The following TAFA1 variants were observed in gnomAD, a reference collection of about 807,000 sequenced individuals.
TAFA1 encodes chemokine-like protein TAFA-1.
In TAFA1, 4 loss-of-function variants were observed where a neutral mutation model predicts 18.5. The observed-to-expected ratio is 0.22, with a 90% CI of 0.11 to 0.49. The LOEUF (loss-of-function observed/expected upper bound fraction) is 0.49. Ranked by LOEUF, TAFA1 falls within the 20% of genes least tolerant of loss-of-function variation. The probability of loss-of-function intolerance (pLI) is 0.98; values close to 1 mark genes in which losing one functional copy is unlikely to be tolerated. For synonymous variants in TAFA1, 56 were observed against 55.2 expected (o/e 1.01, Z -0.06); for missense variants, 147 against 169.0 (o/e 0.87, Z 0.72).
intron 2 of TAFA1, among the ~76,000 whole-genome samples, chr3:68,232,769 C>A (rs1289142063): frequency 6.6e-6 from 1 of 152,060 alleles, no homozygotes; most frequent in Non-Finnish European, 1.5e-5. Context: ...CCACACCTGG[C>A]TAATTTTTAA....
intron 3 of TAFA1, among the ~76,000 whole-genome samples, chr3:68,430,087 G>C (rs1339964818): frequency 1.3e-5 from 2 of 151,920 alleles, no homozygotes; most frequent in Admixed American, 6.6e-5. Context: ...AGGAGAGACA[G>C]ACCATGATCT....
At chr3:68,295,799 A>G (rs1211817717) in intron 2 of TAFA1, among the ~76,000 whole-genome samples, 1 of 152,020 alleles carries the variant, frequency 6.6e-6, no homozygotes, top group Non-Finnish European at 1.5e-5. Context: ...TTGTAGAGAC[A>G]GGGTCTTGCT....
chr3:68,439,412 C>CATATATATATATATAT (rs57059146), intron 3 of TAFA1, among the ~76,000 whole-genome samples: 4,183 of 72,776 alleles, frequency 0.057, 312 homozygotes, highest in Non-Finnish European at 0.064. Context: ...TATATACATA[C>CATATATATATATATAT]ATATATATAT....
chr3:68,080,678 G>A (rs1175290123), intron 2 of TAFA1, among the ~76,000 whole-genome samples: 1 of 152,190 alleles, frequency 6.6e-6, no homozygotes. Context: ...TCTGCCGAGA[G>A]ATCTGCTGTT....
chr3:68,033,539 C>A (rs1336070110), intron 2 of TAFA1, among the ~76,000 whole-genome samples: 1 of 152,118 alleles, frequency 6.6e-6, no homozygotes, highest in Non-Finnish European at 1.5e-5. Flanking sequence ...ATTCTCCATC[C>A]AATTTCAATG....
chr3:68,531,016 CAACAAAACAAAACAAAACAA>C (rs59861876), intron 3 of TAFA1, among the ~76,000 whole-genome samples: 1 of 147,518 alleles, frequency 6.8e-6, no homozygotes, highest in Non-Finnish European at 1.5e-5. Flanking sequence ...TTAACAACAA[CAACAAAACAAAACAAAACAA>C]AACAAAACAA....
chr3:68,000,868 G>A (rs527431539), upstream of TAFA1, among the ~76,000 whole-genome samples: 1 of 152,302 alleles, frequency 6.6e-6, no homozygotes, highest in South Asian at 2.1e-4. Context: ...AGTTTATGGG[G>A]AGGGACATGG....
chr3:68,040,524 G>A (rs1415579837), intron 2 of TAFA1, among the ~76,000 whole-genome samples: 1 of 152,140 alleles, frequency 6.6e-6, no homozygotes. Flanking sequence ...CGACTAAAGA[G>A]AATGTAATTT....
chr3:68,395,053 A>T (rs1434875659), intron 2 of TAFA1, among the ~76,000 whole-genome samples: 1 of 152,188 alleles, frequency 6.6e-6, no homozygotes. Flanking sequence ...TATTCATCTG[A>T]CAAAGGGCTA....
intron 3 of TAFA1, among the ~76,000 whole-genome samples, chr3:68,502,700 C>T (rs553466388): frequency 2.6e-5 from 4 of 152,184 alleles, no homozygotes; most frequent in African/African-American, 9.6e-5. Context: ...TCACCTTCAC[C>T]CTCCCAAGTA....
At chr3:68,375,072 C>A (rs1219641190) in intron 2 of TAFA1, among the ~76,000 whole-genome samples, 1 of 152,060 alleles carries the variant, frequency 6.6e-6, no homozygotes, top group African/African-American at 2.4e-5. Context: ...AAAACCAAAT[C>A]TTTGTATAAG....
chr3:68,158,902 A>G (rs12485392), intron 2 of TAFA1, among the ~76,000 whole-genome samples: 4 of 152,198 alleles, frequency 2.6e-5, no homozygotes, highest in Non-Finnish European at 5.9e-5. Context: ...TCTGCACCTC[A>G]TATCAAAGTT....
intron 3 of TAFA1, among the ~76,000 whole-genome samples, chr3:68,418,309 A>C (rs1271825889): frequency 6.6e-6 from 1 of 151,852 alleles, no homozygotes; most frequent in African/African-American, 2.4e-5. Context: ...TTACAGTCAA[A>C]GGGGAGTTGT....
At chr3:68,348,971 G>A (rs968218401) in intron 2 of TAFA1, among the ~76,000 whole-genome samples, 1 of 151,706 alleles carries the variant, frequency 6.6e-6, no homozygotes, top group Non-Finnish European at 1.5e-5. Flanking sequence ...GAAGCTTTTT[G>A]CTTCTAAAAC....
intron 2 of TAFA1, among the ~76,000 whole-genome samples, chr3:68,126,175 G>C (rs745698273): frequency 2.6e-5 from 4 of 152,076 alleles, no homozygotes; most frequent in Admixed American, 2.6e-4. Flanking sequence ...TGATCAAACC[G>C]ATGTCTTTGT....
intron 2 of TAFA1, among the ~76,000 whole-genome samples, chr3:68,081,688 G>T (rs535430831): frequency 3.9e-4 from 59 of 152,144 alleles, no homozygotes; most frequent in Admixed American, 2.6e-4. Flanking sequence ...CTCCAGCTGC[G>T]TGCTGGGAGA....
At chr3:68,461,777 T>C (rs538264328) in intron 3 of TAFA1, among the ~76,000 whole-genome samples, 127 of 152,026 alleles carry the variant, frequency 8.4e-4, no homozygotes, top group African/African-American at 2.8e-3. Flanking sequence ...GACAAGACCA[T>C]AGACATGTCC....
At chr3:68,494,913 C>T (rs913821140) in intron 3 of TAFA1, among the ~76,000 whole-genome samples, 2 of 152,132 alleles carry the variant, frequency 1.3e-5, no homozygotes, top group Non-Finnish European at 2.9e-5. Flanking sequence ...TTCCATAGGA[C>T]GTTAACAAAA....
chr3:68,031,524 AT>A (rs2106652893), intron 2 of TAFA1, among the ~76,000 whole-genome samples: 1 of 152,302 alleles, frequency 6.6e-6, no homozygotes, highest in Non-Finnish European at 1.5e-5. Flanking sequence ...AAGAATAATC[AT>A]TCCAATCTAG....
Sources: gnomAD v4.1 joint callset for allele counts (sites outside exome capture counted in the v4.1 genomes callset) on GRCh38, gnomAD v4.1.1 for gene constraint, MANE v1.5 for transcripts, NCBI Gene and HGNC (gene_info 2026-07-23, HGNC 2026-07-21) for gene names.